Variants in MPRIP observed in about 807,000 individuals in gnomAD.
MPRIP encodes myosin phosphatase Rho interacting protein.
Under a neutral mutation model 234.9 loss-of-function variants are expected in MPRIP, and 59 were observed. That is an observed-to-expected ratio of 0.25 (90% CI 0.20 to 0.31). The LOEUF (loss-of-function observed/expected upper bound fraction) is 0.31, where lower values mean the gene tolerates loss of function less well. Ranked by LOEUF, MPRIP falls within the 10% of genes least tolerant of loss-of-function variation. MPRIP has a pLI of 1.00. For synonymous variants in MPRIP, 1,144 were observed against 1,263.9 expected (o/e 0.91, Z 2.01); for missense variants, 2,436 against 3,071.0 (o/e 0.79, Z 4.89).
intron 1 of MPRIP, among the ~76,000 whole-genome samples, chr17:17,043,286 C>T (rs1208383173): frequency 6.6e-6 from 1 of 152,278 alleles, no homozygotes; most frequent in South Asian, 2.1e-4. Flanking sequence ...TGACGGGACC[C>T]CCCTGAGATT....
chr17:17,153,386 G>A (rs1021905791), intron 12 of MPRIP, among the ~76,000 whole-genome samples: 4 of 152,060 alleles, frequency 2.6e-5, no homozygotes, highest in Non-Finnish European at 5.9e-5. Flanking sequence ...TGCAGCCCTC[G>A]CTTCTGTTGG....
intron 3 of MPRIP, among the ~76,000 whole-genome samples, chr17:17,093,066 G>T (rs1266288732): frequency 6.6e-6 from 1 of 152,218 alleles, no homozygotes; most frequent in Non-Finnish European, 1.5e-5. Flanking sequence ...TAACACATTT[G>T]AATTTTGGAT....
At chr17:17,137,232 G>T (rs184582154) in intron 6 of MPRIP, among the ~76,000 whole-genome samples, 41 of 152,278 alleles carry the variant, frequency 2.7e-4, no homozygotes, top group African/African-American at 9.9e-4. Flanking sequence ...AGACTGAAGG[G>T]GCCGGGCATG....
Position 17,154,401 on chromosome 17 carries a change from C to G in MPRIP, c.1815C>G (p.Ala605=), listed in dbSNP as rs747499271. The part of the protein sequence containing the change: ...TIMKHVHPTT[A]PDVTSSLPEE... ...TGAAGCACGTGCACCCGACCACTGC[C>G]CCGGATGTGACCAGGTAGGATGGTG... The change falls in exon 13 of 24, where the codon GCC becomes GCG. Residue 605 remains alanine (A), a synonymous_variant. Coordinates refer to ENST00000651222, the MANE Select transcript of MPRIP (RefSeq NM_001364716.4). 84 of 1,613,998 alleles carry G rather than the reference C, an allele frequency of 5.2e-5. No individual in the cohort carries two copies. Among genetic ancestry groups the G allele is most frequent in the Non-Finnish European group, 6.6e-5 (78 of 1,179,994 alleles).
chr17:17,052,975 G>C (rs2088587112), intron 1 of MPRIP, among the ~76,000 whole-genome samples: 1 of 152,182 alleles, frequency 6.6e-6, no homozygotes, highest in South Asian at 2.1e-4. Context: ...GCCAAGGGAA[G>C]GGGGAGCAGC....
intron 23 of MPRIP, chr17:17,181,845 A>T (rs924999549): frequency 1.3e-5 from 2 of 152,138 alleles, no homozygotes; most frequent in Non-Finnish European, 1.5e-5. Flanking sequence ...GGGGCCTCTC[A>T]CAGTGGCTGG....
At position 17,164,983 on chromosome 17, in the gene MPRIP, T is replaced by G; in HGVS notation, c.3392T>G (p.Leu1131Arg). 2 of 1,302,452 alleles carry G rather than the reference T, an allele frequency of 1.5e-6. No homozygotes were observed. The highest frequency in any genetic ancestry group is 2.0e-6 in the Non-Finnish European group (2 of 988,774). The allele number at this position is 1,302,452 out of a possible 1,614,324, so 80.7% of individuals were successfully genotyped here. A position where few individuals can be genotyped will look rare whatever the true frequency, so the allele number is the denominator to read the frequency against. ...ACGTCCGACGAGGATGTGGCTGAGCTCCGGGAAAAGCTGAGGAGAAGAGAG... is the reference window on the plus strand; with the variant it reads ...ACGTCCGACGAGGATGTGGCTGAGCGCCGGGAAAAGCTGAGGAGAAGAGAG... ...VATSDEDVAE[L>R]REKLRRREAD... The change falls in exon 16 of 24, where the codon CTC becomes CGC. Residue 1131 changes from leucine to arginine, a missense_variant. Coordinates refer to ENST00000651222, the MANE Select transcript of MPRIP (RefSeq NM_001364716.4).
chr17:17,100,686 T>G (rs536767285), intron 3 of MPRIP, among the ~76,000 whole-genome samples: 54 of 152,120 alleles, frequency 3.5e-4, no homozygotes, highest in African/African-American at 1.3e-3. Flanking sequence ...GATCTGTTAC[T>G]GTCTCCCATC....
At chr17:17,083,561 C>T (rs1283977087) in intron 3 of MPRIP, among the ~76,000 whole-genome samples, 1 of 152,174 alleles carries the variant, frequency 6.6e-6, no homozygotes, top group East Asian at 1.9e-4. Flanking sequence ...CCGCTGAGCC[C>T]TGCTGTCTTT....
At chr17:17,169,357 G>A (rs79902602) in intron 16 of MPRIP, among the ~76,000 whole-genome samples, 1 of 152,196 alleles carries the variant, frequency 6.6e-6, no homozygotes, top group Non-Finnish European at 1.5e-5. Flanking sequence ...GCAATGCCCT[G>A]CTTCCTGTCT....
chr17:17,077,816 T>C (rs1207215156), intron 2 of MPRIP, 195 bp from the exon 3 acceptor site: 2 of 554,122 alleles, frequency 3.6e-6, no homozygotes, highest in East Asian at 6.4e-5. Context: ...TGGGCCTGTC[T>C]CCCAGCCCAG....
chr17:17,089,783 G>A (rs1192614835), intron 3 of MPRIP, among the ~76,000 whole-genome samples: 5 of 152,188 alleles, frequency 3.3e-5, no homozygotes, highest in Non-Finnish European at 7.3e-5. Flanking sequence ...CCCACTTCCA[G>A]AGCATTTGTG....
At chr17:17,182,444 A>C (rs2046391756) in intron 23 of MPRIP, 2 of 152,056 alleles carry the variant, frequency 1.3e-5, no homozygotes, top group South Asian at 4.1e-4. Context: ...TCAGCTCAGT[A>C]TGTGGGGCTA....
chr17:17,105,315 C>T (rs1048952202), intron 3 of MPRIP, among the ~76,000 whole-genome samples: 1 of 152,224 alleles, frequency 6.6e-6, no homozygotes, highest in South Asian at 2.1e-4. Flanking sequence ...CCTGTTGCTG[C>T]TCTCTGGCCA....
At chr17:17,183,233 TGAGACG>T in intron 23 of MPRIP, 1 of 152,438 alleles carries the variant, frequency 6.6e-6, no homozygotes, top group South Asian at 2.1e-4. Flanking sequence ...TTGTTTGTTT[TGAGACG>T]GAGTCTCGCT....
At chr17:17,110,261 T>G (rs945250859) in intron 3 of MPRIP, among the ~76,000 whole-genome samples, 4 of 152,074 alleles carry the variant, frequency 2.6e-5, no homozygotes, top group African/African-American at 7.2e-5. Flanking sequence ...CCAGATGAGA[T>G]CCCCAATCTT....
intron 1 of MPRIP, among the ~76,000 whole-genome samples, chr17:17,059,127 A>G (rs2088795069): frequency 6.6e-6 from 1 of 152,240 alleles, no homozygotes; most frequent in Admixed American, 6.5e-5. Flanking sequence ...GTCACGTAAC[A>G]TATATTCTGA....
rs777970278 is a variant in MPRIP at position 17,147,433 on chromosome 17, T to C, written c.1629+46T>C. On this transcript the variant is annotated intron_variant, in intron 11 of 23. Transcript: ENST00000651222. ...TCTGCTGTGGAGACAGCTGGAGGGG[T>C]CCAGGCGGCATCTGGGGCTAGTAGA... is the stretch of plus-strand genomic sequence containing the variant. 3 of 1,574,168 alleles carry C rather than the reference T, an allele frequency of 1.9e-6. No individual in the cohort carries two copies. The South Asian group carries it at 3.3e-5, about 17-fold the overall frequency.
At chr17:17,071,919 A>G (rs1391406097) in intron 1 of MPRIP, among the ~76,000 whole-genome samples, 1 of 152,096 alleles carries the variant, frequency 6.6e-6, no homozygotes, top group Non-Finnish European at 1.5e-5. Context: ...GCCTCCCTCC[A>G]AAATGCCCAG....
Sources: allele counts gnomAD v4.1 joint callset (sites outside exome capture counted in the v4.1 genomes callset), GRCh38; gene constraint gnomAD v4.1.1; transcripts MANE v1.5; gene names NCBI Gene and HGNC (gene_info 2026-07-23, HGNC 2026-07-21).